CNTNAP2: variants seen among roughly 807,000 people sequenced by gnomAD.
The protein encoded by CNTNAP2 is contactin associated protein 2.
Under a neutral mutation model 155.2 loss-of-function variants are expected in CNTNAP2, and 98 were observed. That is an observed-to-expected ratio of 0.63 (90% CI 0.54 to 0.75). The LOEUF is 0.75. Ranked by LOEUF, CNTNAP2 falls within the 30% of genes least tolerant of loss-of-function variation. The pLI, the probability that CNTNAP2 is intolerant of heterozygous loss-of-function variation, is 0.00. For synonymous variants in CNTNAP2, 651 were observed against 631.2 expected (o/e 1.03, Z -0.47); for missense variants, 1,727 against 1,688.1 (o/e 1.02, Z -0.40).
intron 13 of CNTNAP2, among the ~76,000 whole-genome samples, chr7:147,895,226 G>A (rs969689386): frequency 6.6e-6 from 1 of 151,628 alleles, no homozygotes; most frequent in Admixed American, 6.6e-5. Flanking sequence ...CTCCCACCTC[G>A]GCCTCCTAAA....
chr7:148,391,121 C>T (rs1448508686), intron 22 of CNTNAP2, among the ~76,000 whole-genome samples: 7 of 152,122 alleles, frequency 4.6e-5, no homozygotes, highest in African/African-American at 1.7e-4. Flanking sequence ...TTGTATTTTA[C>T]CTTATAATAA....
chr7:147,206,451 T>A (rs1803025766), intron 8 of CNTNAP2, among the ~76,000 whole-genome samples: 1 of 151,990 alleles, frequency 6.6e-6, no homozygotes, highest in Non-Finnish European at 1.5e-5. Flanking sequence ...TAATCCCAGC[T>A]ACTCAGGTGG....
chr7:148,039,452 C>T (rs1230489983), intron 15 of CNTNAP2, among the ~76,000 whole-genome samples: 1 of 152,184 alleles, frequency 6.6e-6, no homozygotes, highest in African/African-American at 2.4e-5. Flanking sequence ...TGCAGACACA[C>T]CCAGAAATAA....
At chr7:148,303,940 G>A (rs1797441348) in intron 21 of CNTNAP2, among the ~76,000 whole-genome samples, 1 of 152,208 alleles carries the variant, frequency 6.6e-6, no homozygotes, top group South Asian at 2.1e-4. Flanking sequence ...GTTGAAGTTT[G>A]AAGAAAATTT....
At chr7:148,061,423 GGCTCA>G (rs1803127008) in intron 15 of CNTNAP2, among the ~76,000 whole-genome samples, 1 of 151,990 alleles carries the variant, frequency 6.6e-6, no homozygotes, top group Non-Finnish European at 1.5e-5. Flanking sequence ...GCATGATCTT[GGCTCA>G]GTGCAACCTC....
chr7:147,391,579 T>TATAA (rs1182063215), intron 9 of CNTNAP2, among the ~76,000 whole-genome samples: 4 of 152,256 alleles, frequency 2.6e-5, no homozygotes, highest in African/African-American at 9.6e-5. Flanking sequence ...TCCACAATTA[T>TATAA]ATAAAGATAA....
intron 13 of CNTNAP2, among the ~76,000 whole-genome samples, chr7:147,834,944 ACTTT>A (rs1798611159): frequency 6.6e-6 from 1 of 152,180 alleles, no homozygotes; most frequent in Admixed American, 6.6e-5. Context: ...TGAATCAGAA[ACTTT>A]CTTTCTCTCC....
chr7:146,221,760 C>A (rs1423695164), intron 1 of CNTNAP2, among the ~76,000 whole-genome samples: 1 of 152,162 alleles, frequency 6.6e-6, no homozygotes, highest in Non-Finnish European at 1.5e-5. Flanking sequence ...TGGCAAATTT[C>A]ATTAGAATTC....
chr7:147,606,317 A>G (rs1801062652), intron 12 of CNTNAP2, among the ~76,000 whole-genome samples: 1 of 152,222 alleles, frequency 6.6e-6, no homozygotes, highest in South Asian at 2.1e-4. Flanking sequence ...TAATTTTGAT[A>G]GTCACTTTAT....
intron 1 of CNTNAP2, among the ~76,000 whole-genome samples, chr7:146,586,353 C>T (rs1449108275): frequency 6.6e-6 from 1 of 152,132 alleles, no homozygotes; most frequent in Non-Finnish European, 1.5e-5. Context: ...TACTTAGCCT[C>T]ATCCTTAATC....
At chr7:147,161,261 C>T (rs1802018197) in intron 8 of CNTNAP2, among the ~76,000 whole-genome samples, 2 of 152,120 alleles carry the variant, frequency 1.3e-5, no homozygotes, top group Non-Finnish European at 1.5e-5. Flanking sequence ...CATAGCGCAA[C>T]TCAGATTTGC....
At chr7:146,261,656 A>G (rs892596142) in intron 1 of CNTNAP2, among the ~76,000 whole-genome samples, 2 of 152,074 alleles carry the variant, frequency 1.3e-5, no homozygotes, top group Non-Finnish European at 2.9e-5. Context: ...TCCTCAACAG[A>G]AAGTCTCAAA....
chr7:146,381,931 GC>G lies in CNTNAP2; in HGVS notation c.97+264959del, dbSNP rs1795395495. ...ATCAGAAGGCAGCGTTTATCCATGA[GC>G]TCTCATCCTTCCCTGATTAAGGTTT... On this transcript the variant is annotated intron_variant, in intron 1 of 23. Transcript: ENST00000361727. 7.2e-5 allele frequency among the ~76,000 whole-genome samples: 11 copies of G among 152,228 alleles called. No individual in the cohort carries two copies. In the South Asian group the frequency reaches 2.3e-3, roughly 32 times the overall value.
At position 146,917,833 on chromosome 7, in the gene CNTNAP2, T is replaced by C. The variant is rs569886895; in HGVS notation, c.402+77929T>C. ...TGCACCTCCTTGCTTTCCACCATGA[T>C]TGTGAGGCCTCTCCAGCCATGTGTA... On this transcript the variant is annotated intron_variant, in intron 3 of 23. Transcript: ENST00000361727. 4.7e-4 allele frequency among the ~76,000 whole-genome samples: 71 copies of C among 152,298 alleles called. 1 individual carries two copies. In the South Asian group the frequency reaches 0.013, roughly 29 times the overall value.
At chr7:147,634,076 C>T (rs1795136532) in intron 12 of CNTNAP2, among the ~76,000 whole-genome samples, 1 of 152,126 alleles carries the variant, frequency 6.6e-6, no homozygotes, top group Non-Finnish European at 1.5e-5. Context: ...GGTAGAGCTA[C>T]CATTTGATCC....
chr7:147,206,817 T>A (rs1803032966), intron 8 of CNTNAP2, among the ~76,000 whole-genome samples: 1 of 152,184 alleles, frequency 6.6e-6, no homozygotes. Flanking sequence ...TATTTATGAC[T>A]ATTTATTTTG....
chr7:147,305,067 C>T (rs905507130), intron 9 of CNTNAP2, among the ~76,000 whole-genome samples: 4 of 152,078 alleles, frequency 2.6e-5, no homozygotes, highest in Admixed American at 2.0e-4. Context: ...ACCTAATTAG[C>T]CCCCAAAGGC....
chr7:147,366,672 T>C (rs1796234451), intron 9 of CNTNAP2, among the ~76,000 whole-genome samples: 1 of 152,130 alleles, frequency 6.6e-6, no homozygotes, highest in South Asian at 2.1e-4. Flanking sequence ...AGTTTTGTTA[T>C]GCAGTACTTT....
At chr7:147,959,279 C>T (rs1252502511) in intron 14 of CNTNAP2, among the ~76,000 whole-genome samples, 1 of 151,964 alleles carries the variant, frequency 6.6e-6, no homozygotes, top group African/African-American at 2.4e-5. Flanking sequence ...GACCTTCTCC[C>T]TTATTCCAGC....
Sources: gnomAD v4.1 joint callset for allele counts (sites outside exome capture counted in the v4.1 genomes callset) on GRCh38, gnomAD v4.1.1 for gene constraint, MANE v1.5 for transcripts, NCBI Gene and HGNC (gene_info 2026-07-23, HGNC 2026-07-21) for gene names.